Variants in ADGRL2 observed in about 807,000 individuals in gnomAD.
The protein encoded by ADGRL2 is calcium-independent alpha-latrotoxin receptor 2.
ADGRL2 carries 44 observed loss-of-function variants against 157.4 expected under a neutral mutation model. That is an observed-to-expected ratio of 0.28 (90% CI 0.22 to 0.36). ADGRL2 has a LOEUF of 0.36. Among genes scored for constraint, ADGRL2 ranks in the 10% least tolerant of loss-of-function variants. The pLI is 1.00. For missense variants in ADGRL2, 1,510 were observed against 1,768.9 expected (o/e 0.85, Z 2.63); for synonymous variants, 585 against 624.7 (o/e 0.94, Z 0.95).
chr1:81,728,685 C>A (rs1384190193), intron 1 of ADGRL2, among the ~76,000 whole-genome samples: 6 of 152,012 alleles, frequency 3.9e-5, no homozygotes, highest in African/African-American at 1.4e-4. Context: ...GGGGCTGTCT[C>A]CTCTCGCCGA....
chr1:81,680,473 T>C (rs1486259524), intron 3 of ADGRL2, among the ~76,000 whole-genome samples: 1 of 152,114 alleles, frequency 6.6e-6, no homozygotes, highest in African/African-American at 2.4e-5. Context: ...TGTAGAAATC[T>C]TGAAAAAGAC....
intron 1 of ADGRL2, among the ~76,000 whole-genome samples, chr1:81,308,423 A>T (rs1384584043): frequency 6.6e-6 from 1 of 152,156 alleles, no homozygotes; most frequent in African/African-American, 2.4e-5. Flanking sequence ...ACCTTAACAG[A>T]TGGAAAGGTG....
chr1:81,967,460 A>C (rs2149293347), intron 13 of ADGRL2, among the ~76,000 whole-genome samples: 1 of 152,058 alleles, frequency 6.6e-6, no homozygotes, highest in African/African-American at 2.4e-5. Flanking sequence ...ACGGGGTTTC[A>C]CTGTGTTAGC....
chr1:81,950,984 T>C, intron 7 of ADGRL2, 34 bp from the exon 8 acceptor site: 1 of 1,420,682 alleles, frequency 7.0e-7, no homozygotes, highest in Non-Finnish European at 9.9e-7. Context: ...AAAAATGGTT[T>C]CAATTTCACT....
chr1:81,973,072 A>G (rs893936366), intron 17 of ADGRL2, among the ~76,000 whole-genome samples: 3 of 152,216 alleles, frequency 2.0e-5, no homozygotes, highest in Non-Finnish European at 4.4e-5. Flanking sequence ...TTCATGGTTA[A>G]GCAGTGTTTC....
At chr1:81,314,262 C>T (rs540179105) in intron 1 of ADGRL2, among the ~76,000 whole-genome samples, 12 of 152,244 alleles carry the variant, frequency 7.9e-5, no homozygotes, top group African/African-American at 2.9e-4. Flanking sequence ...AAAGTGCAGA[C>T]TGTGGATTAT....
chr1:81,970,269 T>TA, intron 15 of ADGRL2, 45 bp from the exon 16 acceptor site: 1 of 1,346,584 alleles, frequency 7.4e-7, no homozygotes, highest in East Asian at 2.3e-5. Flanking sequence ...GGGCTATTTT[T>TA]ATTCATGAGT....
chr1:81,483,911 T>C (rs746673316), intron 2 of ADGRL2, among the ~76,000 whole-genome samples: 21 of 152,170 alleles, frequency 1.4e-4, no homozygotes, highest in Non-Finnish European at 2.9e-4. Flanking sequence ...AAAGACTAAA[T>C]CAAATCTTCA....
chr1:81,587,959 A>G (rs2081060492), intron 3 of ADGRL2, among the ~76,000 whole-genome samples: 1 of 152,162 alleles, frequency 6.6e-6, no homozygotes. Flanking sequence ...TGTTTCCAGT[A>G]TAGTTAATAG....
intron 3 of ADGRL2, among the ~76,000 whole-genome samples, chr1:81,919,465 A>G (rs2094930915): frequency 6.6e-6 from 1 of 152,050 alleles, no homozygotes; most frequent in South Asian, 2.1e-4. Flanking sequence ...CAGACTTTAT[A>G]TGAAGAAAAC....
chr1:81,333,269 A>G (rs1661392311), intron 1 of ADGRL2, among the ~76,000 whole-genome samples: 1 of 152,140 alleles, frequency 6.6e-6, no homozygotes, highest in African/African-American at 2.4e-5. Flanking sequence ...ACTTAGAGAA[A>G]GTGGACTGAA....
chr1:81,521,321 A>C (rs1176600028), intron 2 of ADGRL2, among the ~76,000 whole-genome samples: 3 of 152,206 alleles, frequency 2.0e-5, no homozygotes, highest in African/African-American at 7.2e-5. Context: ...TTCACAATTA[A>C]AATATAAAAA....
At chr1:81,496,032 T>G (rs1386118973) in intron 2 of ADGRL2, among the ~76,000 whole-genome samples, 1 of 152,126 alleles carries the variant, frequency 6.6e-6, no homozygotes, top group Non-Finnish European at 1.5e-5. Context: ...ATCTCCCTCA[T>G]AAATTAACCA....
intron 3 of ADGRL2, among the ~76,000 whole-genome samples, chr1:81,610,253 G>T (rs1167018010): frequency 8.5e-6 from 1 of 118,180 alleles, no homozygotes; most frequent in Non-Finnish European, 1.7e-5. Context: ...TTTTTTGAAG[G>T]TCTCTAGGAG....
At chr1:81,542,846 A>G (rs1243694335) in intron 2 of ADGRL2, among the ~76,000 whole-genome samples, 1 of 152,220 alleles carries the variant, frequency 6.6e-6, no homozygotes, top group African/African-American at 2.4e-5. Context: ...TCAGCAAATA[A>G]TGTTGCTTAT....
At chr1:81,623,856 C>T (rs961448739) in intron 3 of ADGRL2, among the ~76,000 whole-genome samples, 2 of 151,926 alleles carry the variant, frequency 1.3e-5, no homozygotes, top group Non-Finnish European at 2.9e-5. Context: ...AGGCTGGTCT[C>T]GAACTCCTGA....
At chr1:81,427,425 G>A (rs2077239045) in intron 1 of ADGRL2, 2 of 749,882 alleles carry the variant, frequency 2.7e-6, no homozygotes, top group Admixed American at 1.7e-5. Flanking sequence ...GGTTGCAATG[G>A]AGGAAATTTG....
chr1:81,731,749 C>T (rs1036301546), intron 1 of ADGRL2, among the ~76,000 whole-genome samples: 3 of 152,108 alleles, frequency 2.0e-5, no homozygotes, highest in African/African-American at 7.2e-5. Context: ...AAGCAACTAA[C>T]AAATTCTTCC....
intron 1 of ADGRL2, among the ~76,000 whole-genome samples, chr1:81,816,256 T>G (rs773854122): frequency 2.6e-5 from 4 of 151,772 alleles, no homozygotes; most frequent in Non-Finnish European, 5.9e-5. Flanking sequence ...TTCAAGTCAG[T>G]TTTTCCTATT....
Sources: gnomAD v4.1 joint callset for allele counts (sites outside exome capture counted in the v4.1 genomes callset) on GRCh38, gnomAD v4.1.1 for gene constraint, MANE v1.5 for transcripts, NCBI Gene and HGNC (gene_info 2026-07-23, HGNC 2026-07-21) for gene names.